NEBL: variants seen among roughly 807,000 people sequenced by gnomAD.
NEBL encodes the protein LIM and SH3 protein 2.
In NEBL, 122 loss-of-function variants were observed where a neutral mutation model predicts 140.2. The observed-to-expected ratio is 0.87, with a 90% CI of 0.75 to 1.01. NEBL has a LOEUF of 1.01. NEBL is among the 50% of genes least tolerant of loss of function. The probability of loss-of-function intolerance (pLI) is 0.00; values close to 1 mark genes in which losing one functional copy is unlikely to be tolerated. For missense variants in NEBL, 1,365 were observed against 1,231.3 expected, an observed-to-expected ratio of 1.11 and a Z score of -1.62; for synonymous variants, 436 against 398.9, an observed-to-expected ratio of 1.09 and a Z score of -1.11.
chr10:21,139,987 C>CAAAAAAAAA (rs11289396), intron 2 of NEBL, among the ~76,000 whole-genome samples: 22 of 99,592 alleles, frequency 2.2e-4, no homozygotes, highest in East Asian at 2.5e-4. Context: ...CCTGTCTCAA[C>CAAAAAAAAA]AAAAAAAAAA....
intron 25 of NEBL, among the ~76,000 whole-genome samples, chr10:20,809,484 T>C (rs1436401781): frequency 6.6e-6 from 1 of 152,224 alleles, no homozygotes; most frequent in Non-Finnish European, 1.5e-5. Context: ...ACAATGTATT[T>C]CATGAAACAA....
At chr10:20,803,867 A>G (rs1186842927) in intron 26 of NEBL, among the ~76,000 whole-genome samples, 1 of 149,750 alleles carries the variant, frequency 6.7e-6, no homozygotes, top group Non-Finnish European at 1.5e-5. Context: ...TTTTCACTTT[A>G]GAGTATTTTT....
intron 3 of NEBL, among the ~76,000 whole-genome samples, chr10:21,194,831 G>A (rs1447807297): frequency 2.4e-5 from 3 of 126,408 alleles, no homozygotes; most frequent in Non-Finnish European, 3.3e-5. Context: ...ACCCCCTGCC[G>A]CAAAAAAATA....
At chr10:21,218,488 A>G (rs563359525) in intron 3 of NEBL, among the ~76,000 whole-genome samples, 1 of 152,162 alleles carries the variant, frequency 6.6e-6, no homozygotes, top group African/African-American at 2.4e-5. Flanking sequence ...TCTTTGCTTT[A>G]TCTTATAAAG....
At chr10:21,079,186 A>T (rs1414622705) in intron 2 of NEBL, among the ~76,000 whole-genome samples, 1 of 152,196 alleles carries the variant, frequency 6.6e-6, no homozygotes, top group African/African-American at 2.4e-5. Flanking sequence ...CCCATGGGAC[A>T]TGGCAAATCT....
chr10:20,824,070 G>C (rs979910408), intron 18 of NEBL, among the ~76,000 whole-genome samples: 1 of 152,130 alleles, frequency 6.6e-6, no homozygotes, highest in African/African-American at 2.4e-5. Flanking sequence ...GGACAAGAAA[G>C]AGTTCTTTGA....
chr10:21,270,126 A>T (rs1207135509), intron 1 of NEBL, among the ~76,000 whole-genome samples: 1 of 152,188 alleles, frequency 6.6e-6, no homozygotes, highest in Non-Finnish European at 1.5e-5. Flanking sequence ...CTGGAATTCC[A>T]CTGAATGGTG....
chr10:21,229,250 A>G (rs1380447491), intron 3 of NEBL, among the ~76,000 whole-genome samples: 1 of 152,038 alleles, frequency 6.6e-6, no homozygotes, highest in Non-Finnish European at 1.5e-5. Flanking sequence ...GCAAAGGCCT[A>G]CCTCTACTAA....
At chr10:21,201,111 A>G (rs771434019) in intron 3 of NEBL, among the ~76,000 whole-genome samples, 75 of 152,188 alleles carry the variant, frequency 4.9e-4, no homozygotes, top group Admixed American at 7.9e-4. Flanking sequence ...CAACCATCCA[A>G]TTCTCTCCTT....
chr10:20,839,066 T>C (rs746005332), intron 13 of NEBL, among the ~76,000 whole-genome samples: 7 of 152,116 alleles, frequency 4.6e-5, no homozygotes, highest in South Asian at 4.1e-4. Flanking sequence ...GTAGGATCCA[T>C]TGTGAGGATC....
chr10:21,172,222 G>T (rs550699851), intron 2 of NEBL: 26 of 666,412 alleles, frequency 3.9e-5, no homozygotes, highest in Non-Finnish European at 6.8e-5. Flanking sequence ...AGCAGTGATC[G>T]TCAACAAAGT....
intron 2 of NEBL, among the ~76,000 whole-genome samples, chr10:21,052,708 G>A (rs776758733): frequency 3.3e-5 from 5 of 152,222 alleles, no homozygotes; most frequent in Non-Finnish European, 4.4e-5. Flanking sequence ...GAAGAGCAGT[G>A]CCGCTCCACC....
intron 2 of NEBL, chr10:21,030,599 TA>T: frequency 1.6e-6 from 1 of 613,112 alleles, no homozygotes; most frequent in East Asian, 4.0e-5. Flanking sequence ...GGGGGAAAAG[TA>T]ACTCCAGCTC....
rs3858200 is a variant in NEBL at position 21,013,920 on chromosome 10, A to G, written c.249+6197T>C. Among the ~76,000 whole-genome samples the G allele has an allele frequency of 0.052, 7,835 of 152,120 alleles. 1,008 individuals are homozygous for G. In the East Asian group the frequency reaches 0.54, roughly 11 times the overall value. ...GAAGAGCAGAGTCCCCTAGGATTAA[A>G]AAATGGGGAAAATGGATATATATTT... On this transcript the variant is annotated intron_variant, in intron 3 of 6. Coordinates refer to the NEBL transcript ENST00000417816.
chr10:21,022,395 C>T (rs990271192), intron 2 of NEBL, among the ~76,000 whole-genome samples: 10 of 152,332 alleles, frequency 6.6e-5, no homozygotes, highest in African/African-American at 2.4e-4. Context: ...CAGATAAAGC[C>T]TACCCAAAGC....
At chr10:20,891,588 T>C (rs1348427303) in intron 2 of NEBL, among the ~76,000 whole-genome samples, 15 of 152,342 alleles carry the variant, frequency 9.8e-5, no homozygotes, top group Middle Eastern at 6.8e-3. Flanking sequence ...GTCTGACACA[T>C]GCAGAACGTT....
intron 3 of NEBL, among the ~76,000 whole-genome samples, chr10:20,994,511 TA>T (rs1310639961): frequency 6.6e-6 from 1 of 152,210 alleles, no homozygotes; most frequent in East Asian, 1.9e-4. Flanking sequence ...GACTCAAAGA[TA>T]ATTACTTCCA....
intron 3 of NEBL, among the ~76,000 whole-genome samples, chr10:20,966,892 C>T (rs1164803332): frequency 2.0e-5 from 3 of 152,124 alleles, no homozygotes; most frequent in Non-Finnish European, 4.4e-5. Flanking sequence ...AAGAAGGAAG[C>T]CAACTGGGAC....
intron 8 of NEBL, among the ~76,000 whole-genome samples, chr10:20,858,966 T>G (rs1402129055): frequency 6.6e-6 from 1 of 152,120 alleles, no homozygotes; most frequent in Non-Finnish European, 1.5e-5. Flanking sequence ...AAAACAGGAT[T>G]TAGATCCAAG....
Sources: gnomAD v4.1 joint callset for allele counts (sites outside exome capture counted in the v4.1 genomes callset) on GRCh38, gnomAD v4.1.1 for gene constraint, MANE v1.5 for transcripts, NCBI Gene and HGNC (gene_info 2026-07-23, HGNC 2026-07-21) for gene names.